Variants in ZRANB3 observed in about 807,000 individuals in gnomAD.
ZRANB3 encodes the protein DNA annealing helicase and endonuclease ZRANB3.
Under a neutral mutation model 133.8 loss-of-function variants are expected in ZRANB3, and 125 were observed. The observed-to-expected ratio is 0.93, with a 90% CI of 0.81 to 1.08. The LOEUF (loss-of-function observed/expected upper bound fraction) is 1.08. Among genes scored for constraint, ZRANB3 ranks in the 50% least tolerant of loss-of-function variants. The pLI is 0.00. For synonymous variants in ZRANB3, 387 were observed against 432.7 expected (o/e 0.89, Z 1.31); for missense variants, 1,229 against 1,275.5 (o/e 0.96, Z 0.56).
At chr2:135,413,739 G>C (rs963557921) in intron 2 of ZRANB3, among the ~76,000 whole-genome samples, 6 of 152,026 alleles carry the variant, frequency 3.9e-5, no homozygotes, top group African/African-American at 1.4e-4. Flanking sequence ...ATTTCCACAG[G>C]TTTTGTATCT....
At chr2:135,231,843 A>G in intron 12 of ZRANB3, among the ~76,000 whole-genome samples, 1 of 152,104 alleles carries the variant, frequency 6.6e-6, no homozygotes, top group Non-Finnish European at 1.5e-5. Context: ...GAATAGGAAC[A>G]GCTCCAGTCT....
At chr2:135,222,506 C>G (rs1357743222) in intron 15 of ZRANB3, among the ~76,000 whole-genome samples, 1 of 151,952 alleles carries the variant, frequency 6.6e-6, no homozygotes, top group Non-Finnish European at 1.5e-5. Context: ...TTCAGAAAGT[C>G]ATAAGTGTTT....
At chr2:135,398,427 T>A (rs1558969986) in intron 2 of ZRANB3, among the ~76,000 whole-genome samples, 1 of 152,046 alleles carries the variant, frequency 6.6e-6, no homozygotes, top group East Asian at 1.9e-4. Flanking sequence ...CTGTTAAAGG[T>A]ATCAAGTCTT....
intron 10 of ZRANB3, among the ~76,000 whole-genome samples, chr2:135,269,890 G>C (rs575348304): frequency 1.9e-4 from 29 of 152,246 alleles, no homozygotes; most frequent in African/African-American, 6.7e-4. Flanking sequence ...ACATTAGGTG[G>C]TAAACAGAAA....
Position 135,472,267 on chromosome 2 carries a change from G to A in ZRANB3, c.161+32062C>T, listed in dbSNP as rs549309312. 5.9e-5 allele frequency among the ~76,000 whole-genome samples: 9 copies of A among 152,194 alleles called. No homozygotes were observed. In the East Asian group the frequency reaches 7.7e-4, roughly 13 times the overall value. ...TATAATCCCAGCACTTTGGGAGGCC[G>A]AGGCAGGCAGATCACAAGGTCAGGA... On this transcript the variant is annotated intron_variant, in intron 2 of 20. Coordinates refer to ENST00000264159, the MANE Select transcript of ZRANB3 (RefSeq NM_032143.4).
At chr2:135,484,707 A>G (rs1301452117) in intron 2 of ZRANB3, among the ~76,000 whole-genome samples, 1 of 150,258 alleles carries the variant, frequency 6.7e-6, no homozygotes, top group Non-Finnish European at 1.5e-5. Context: ...AATATTTAAT[A>G]AATATTAATA....
At chr2:135,270,178 C>T (rs16831504) in intron 10 of ZRANB3, among the ~76,000 whole-genome samples, 15,899 of 151,824 alleles carry the variant, frequency 0.1, 1,097 homozygotes, top group South Asian at 0.32. Context: ...CTATTTAGGA[C>T]TGAAAATGCC....
intron 3 of ZRANB3, among the ~76,000 whole-genome samples, chr2:135,382,903 C>A (rs530627739): frequency 3.5e-4 from 54 of 152,262 alleles, no homozygotes; most frequent in African/African-American, 1.2e-3. Flanking sequence ...ATTCTAAAGA[C>A]CATCGAGGCT....
At chr2:135,332,559 G>C (rs1383730552) in intron 6 of ZRANB3, among the ~76,000 whole-genome samples, 1 of 151,972 alleles carries the variant, frequency 6.6e-6, no homozygotes, top group East Asian at 1.9e-4. Flanking sequence ...GTTTTCATTT[G>C]TTAAAATGCT....
In ZRANB3 at chr2:135,500,183, G is replaced by A. The variant is rs950163528; in HGVS notation, c.161+4146C>T. ...TCTGTTGTTTAAGCCACCCAGTTGC[G>A]GTATGCTTTTATGATAGTCCTAGCA... On this transcript the variant is annotated intron_variant, in intron 2 of 20. Coordinates refer to ENST00000264159, the MANE Select transcript of ZRANB3 (RefSeq NM_032143.4). Among the ~76,000 whole-genome samples, 11 of 151,680 alleles carry A rather than the reference G, an allele frequency of 7.3e-5. No homozygotes were observed. In the East Asian group the frequency reaches 7.7e-4, roughly 11 times the overall value.
chr2:135,472,485 G>A (rs781618427), intron 2 of ZRANB3, among the ~76,000 whole-genome samples: 143 of 141,400 alleles, frequency 1.0e-3, no homozygotes, highest in Non-Finnish European at 1.5e-3. Context: ...GGGTGACAGC[G>A]AGACTCGGTC....
chr2:135,441,232 G>C (rs1246908906), intron 2 of ZRANB3, among the ~76,000 whole-genome samples: 1 of 152,112 alleles, frequency 6.6e-6, no homozygotes, highest in Non-Finnish European at 1.5e-5. Flanking sequence ...AAAGCAGAAA[G>C]AGAAAAACAA....
intron 2 of ZRANB3, among the ~76,000 whole-genome samples, chr2:135,407,667 C>T (rs1469598905): frequency 6.6e-6 from 1 of 151,554 alleles, no homozygotes; most frequent in East Asian, 1.9e-4. Context: ...GAAATAATGC[C>T]GAATATCTAC....
chr2:135,403,501 T>C (rs551178208), intron 2 of ZRANB3, among the ~76,000 whole-genome samples: 1 of 152,350 alleles, frequency 6.6e-6, no homozygotes, highest in African/African-American at 2.4e-5. Context: ...GAGGCCTGCC[T>C]GCCTTTGTAG....
intron 8 of ZRANB3, among the ~76,000 whole-genome samples, chr2:135,291,328 G>A (rs925734922): frequency 1.3e-5 from 2 of 151,832 alleles, no homozygotes; most frequent in Admixed American, 6.6e-5. Context: ...TATTACTGGC[G>A]TGTGCCACCA....
At position 135,367,330 on chromosome 2, in the gene ZRANB3, G is replaced by A. The variant is rs527841727; in HGVS notation, c.181-13702C>T. Among the ~76,000 whole-genome samples, 360 of 152,280 alleles carry A rather than the reference G, an allele frequency of 2.4e-3. 2 individuals carry two copies. The highest frequency in any genetic ancestry group is 7.8e-3 in the African/African-American group (326 of 41,554). On this transcript the variant is annotated intron_variant, in intron 3 of 20. Coordinates refer to ENST00000264159, the MANE Select transcript of ZRANB3 (RefSeq NM_032143.4). ...CAGGACTGGTGGCAGCCACGTCCCC[G>A]TGTAGACAGTGGACTGGAGGCGGGG...
chr2:135,281,700 A>G (rs1457343778), intron 8 of ZRANB3, among the ~76,000 whole-genome samples: 2 of 152,234 alleles, frequency 1.3e-5, no homozygotes, highest in Non-Finnish European at 2.9e-5. Context: ...TCACTGGGAT[A>G]CAATTCACAT....
At chr2:135,201,150 C>A (rs1017700523) in intron 20 of ZRANB3, among the ~76,000 whole-genome samples, 3 of 152,264 alleles carry the variant, frequency 2.0e-5, no homozygotes, top group South Asian at 2.1e-4. Flanking sequence ...TAGACCAGAA[C>A]TGGATTCTTC....
At chr2:135,417,404 C>T (rs1688636351) in intron 2 of ZRANB3, among the ~76,000 whole-genome samples, 1 of 151,982 alleles carries the variant, frequency 6.6e-6, no homozygotes, top group Non-Finnish European at 1.5e-5. Flanking sequence ...ATCAAAACCA[C>T]AATGAGATAC....
Sources: allele counts gnomAD v4.1 joint callset (sites outside exome capture counted in the v4.1 genomes callset), GRCh38; gene constraint gnomAD v4.1.1; transcripts MANE v1.5; gene names NCBI Gene and HGNC (gene_info 2026-07-23, HGNC 2026-07-21).